TOP6BL: variants seen among roughly 807,000 people sequenced by gnomAD.
TOP6BL encodes type 2 DNA topoisomerase 6 subunit B-like.
At chr11:66,785,772 C>T in the TOP6BL span, among the ~76,000 whole-genome samples, 1 of 152,206 alleles carries the variant, frequency 6.6e-6, no homozygotes, top group African/African-American at 2.4e-5. Context: ...CAGTGCACCT[C>T]TAGTCCTTGT....
the TOP6BL span, among the ~76,000 whole-genome samples, chr11:66,788,741 T>C: frequency 2.0e-5 from 3 of 152,138 alleles, no homozygotes; most frequent in Admixed American, 6.5e-5. Context: ...TTATTTTTAT[T>C]GAAAATTTTT....
At chr11:66,775,200 G>C in the TOP6BL span, among the ~76,000 whole-genome samples, 1 of 151,636 alleles carries the variant, frequency 6.6e-6, no homozygotes, top group African/African-American at 2.4e-5. Context: ...TTAAGTTGGT[G>C]GCAATGAACA....
chr11:66,748,998 A>C, the TOP6BL span, among the ~76,000 whole-genome samples: 1 of 151,974 alleles, frequency 6.6e-6, no homozygotes, highest in African/African-American at 2.4e-5. Flanking sequence ...AACCTGATGC[A>C]GTGAGTGGCT....
the TOP6BL span, chr11:66,796,293 C>A: frequency 1.9e-6 from 3 of 1,609,040 alleles, no homozygotes; most frequent in Non-Finnish European, 2.5e-6. Flanking sequence ...TGATGAAAAG[C>A]CCAGAACCTT....
At chr11:66,810,082 G>C in the TOP6BL span, among the ~76,000 whole-genome samples, 5 of 152,120 alleles carry the variant, frequency 3.3e-5, no homozygotes, top group Admixed American at 3.3e-4. Flanking sequence ...ATTATGTATA[G>C]AGGAACAAAA....
At chr11:66,826,683 A>T in the TOP6BL span, among the ~76,000 whole-genome samples, 30 of 144,218 alleles carry the variant, frequency 2.1e-4, no homozygotes, top group Admixed American at 9.8e-4. Context: ...TTTATTTTTT[A>T]TTTATTTATT....
At chr11:66,800,506 A>G in the TOP6BL span, 1 of 646,342 alleles carries the variant, frequency 1.5e-6, no homozygotes, top group Non-Finnish European at 2.7e-6. Flanking sequence ...GTATACAGTT[A>G]TAGTTTATCA....
At chr11:66,822,639 A>G in the TOP6BL span, 21 of 1,551,872 alleles carry the variant, frequency 1.4e-5, no homozygotes, top group Non-Finnish European at 1.8e-5. Flanking sequence ...AAGCACTAGG[A>G]GCAGCTTCCG....
the TOP6BL span, among the ~76,000 whole-genome samples, chr11:66,835,835 C>T: frequency 4.6e-5 from 7 of 152,230 alleles, no homozygotes; most frequent in Non-Finnish European, 8.8e-5. Context: ...TTCCACTTTT[C>T]GGCTATTATG....
At chr11:66,748,428 A>G in the TOP6BL span, 1 of 1,548,172 alleles carries the variant, frequency 6.5e-7, no homozygotes, top group Non-Finnish European at 8.7e-7. Flanking sequence ...GATGTATCAA[A>G]GGGAGCATTG....
the TOP6BL span, chr11:66,816,156 G>A: frequency 6.2e-7 from 1 of 1,608,600 alleles, no homozygotes; most frequent in Non-Finnish European, 8.5e-7. Context: ...TTCTCTTTGT[G>A]GATTTCCACA....
chr11:66,831,741 A>G, the TOP6BL span, among the ~76,000 whole-genome samples: 1 of 152,158 alleles, frequency 6.6e-6, no homozygotes, highest in Admixed American at 6.5e-5. Flanking sequence ...CACGCCTGTA[A>G]TCCCAGCACT....
chr11:66,786,162 G>A, the TOP6BL span, among the ~76,000 whole-genome samples: 1 of 152,244 alleles, frequency 6.6e-6, no homozygotes, highest in Admixed American at 6.5e-5. Context: ...GCCAGGCATG[G>A]TGGCACAACC....
At chr11:66,752,600 A>ACAC in the TOP6BL span, among the ~76,000 whole-genome samples, 1 of 151,756 alleles carries the variant, frequency 6.6e-6, no homozygotes, top group African/African-American at 2.4e-5. Flanking sequence ...TACAGGCGTT[A>ACAC]CACCACCATG....
At chr11:66,841,241 C>CT in the TOP6BL span, among the ~76,000 whole-genome samples, 1 of 151,140 alleles carries the variant, frequency 6.6e-6, no homozygotes, top group South Asian at 2.1e-4. Context: ...GCCTCAGCCT[C>CT]TGAGTAGTTG....
the TOP6BL span, among the ~76,000 whole-genome samples, chr11:66,797,756 C>T: frequency 6.6e-6 from 1 of 152,202 alleles, no homozygotes; most frequent in African/African-American, 2.4e-5. Flanking sequence ...CCACCTGTCT[C>T]AGACTCTCAA....
the TOP6BL span, among the ~76,000 whole-genome samples, chr11:66,784,382 A>G: frequency 6.6e-6 from 1 of 152,068 alleles, no homozygotes; most frequent in Non-Finnish European, 1.5e-5. Flanking sequence ...GGGTGGTCTC[A>G]AACTTCTGGG....
At chr11:66,785,323 A>G in the TOP6BL span, among the ~76,000 whole-genome samples, 1 of 151,996 alleles carries the variant, frequency 6.6e-6, no homozygotes, top group Non-Finnish European at 1.5e-5. Context: ...TCCTTGTTTC[A>G]TGGCTTCTTT....
the TOP6BL span, among the ~76,000 whole-genome samples, chr11:66,754,630 A>T: frequency 2.6e-5 from 4 of 152,170 alleles, no homozygotes; most frequent in Non-Finnish European, 5.9e-5. Context: ...TTCAATATCA[A>T]TATCTTTAGG....
Sources: gnomAD v4.1 joint callset for allele counts (sites outside exome capture counted in the v4.1 genomes callset) on GRCh38, gnomAD v4.1.1 for gene constraint, MANE v1.5 for transcripts, NCBI Gene and HGNC (gene_info 2026-07-23, HGNC 2026-07-21) for gene names.